SMG1: variants seen among roughly 807,000 people sequenced by gnomAD.
The protein encoded by SMG1 is SMG1 nonsense mediated mRNA decay associated PI3K related kinase, also known as serine/threonine-protein kinase SMG1.
In SMG1, 22 loss-of-function variants were observed where a neutral mutation model predicts 419.9. The observed-to-expected ratio is 0.05, with a 90% CI of 0.04 to 0.07. The LOEUF (loss-of-function observed/expected upper bound fraction) is 0.07. Among genes scored for constraint, SMG1 ranks in the 10% least tolerant of loss-of-function variants. The probability of loss-of-function intolerance (pLI) is 1.00; values close to 1 mark genes in which losing one functional copy is unlikely to be tolerated. For synonymous variants in SMG1, 1,538 were observed against 1,553.5 expected (o/e 0.99, Z 0.23); for missense variants, 3,185 against 4,342.0 (o/e 0.73, Z 7.49).
chr16:18,864,776 C>T (rs919985348), intron 23 of SMG1, among the ~76,000 whole-genome samples: 1 of 152,140 alleles, frequency 6.6e-6, no homozygotes, highest in Non-Finnish European at 1.5e-5. Flanking sequence ...CGCGCCCAGC[C>T]CCAAAGGAGT....
chr16:18,863,507 G>A (rs1304543369), intron 25 of SMG1, 143 bp downstream of exon 25: 9 of 747,406 alleles, frequency 1.2e-5, no homozygotes, highest in Non-Finnish European at 2.0e-5. Flanking sequence ...TCAGTTTCCT[G>A]TTGTCATTTT....
At chr16:18,879,956 ATCCTCTATT>A (rs2036310493) in intron 10 of SMG1, among the ~76,000 whole-genome samples, 1 of 152,226 alleles carries the variant, frequency 6.6e-6, no homozygotes, top group South Asian at 2.1e-4. Context: ...GGAATCTGCC[ATCCTCTATT>A]TCCCATATAC....
chr16:18,849,827 G>C, intron 35 of SMG1, 122 bp downstream of exon 35: 1 of 928,916 alleles, frequency 1.1e-6, no homozygotes, highest in South Asian at 1.7e-5. Flanking sequence ...GGGTGTCCTA[G>C]GAAGTTAATC....
rs762868925 is a variant in SMG1, at chr16:18,847,545, T to G, written c.5904A>C (p.Gly1968=). The change falls in exon 38 of 63, where the codon GGA becomes GGC. Residue 1968 remains glycine, a synonymous_variant. Transcript: ENST00000446231. ...CATACATGTGTTGTTGCAGCAAAAC[T>G]CCCAGCCAGAGCTCATCCCAGAGCA... ...VTVLWDELWL[G]VLLQQHMYVL... is the part of the protein sequence containing the mutation. The G allele has an allele frequency of 6.2e-7, 1 of 1,613,868 alleles. No homozygotes were observed. Among genetic ancestry groups the G allele is most frequent in the African/African-American group, 1.3e-5 (1 of 74,898 alleles).
At position 18,833,170 on chromosome 16, in the gene SMG1, T is replaced by A; in HGVS notation, c.8566-4A>T. 1 of 1,611,138 alleles carries A rather than the reference T, an allele frequency of 6.2e-7. No homozygotes were observed. Among genetic ancestry groups the A allele is most frequent in the Non-Finnish European group, 8.5e-7 (1 of 1,177,924 alleles). On this transcript the variant is annotated splice_region_variant and splice_polypyrimidine_tract_variant and intron_variant, in intron 50 of 62. Transcript: ENST00000446231. ...GCCGGAAATTCGAATTCAATTCCTATAAATATATGAGAAAAAAACTTTTAA... is the reference window on the plus strand; with the variant it reads ...GCCGGAAATTCGAATTCAATTCCTAAAAATATATGAGAAAAAAACTTTTAA...
chr16:18,815,592 C>G lies in SMG1; in HGVS notation c.10362G>C (p.Gln3454His). Residue 3454 changes from glutamine to histidine, a missense_variant, in exon 59 of 63, where the codon CAG becomes CAC. This residue lies in a region of SMG1 where 737 missense variants were observed against 846.6 expected (regional missense o/e 0.87). Transcript: ENST00000446231. ...EDVPYENSVR[Q>H]FLGEYKSWQD... Reference sequence around the variant, plus strand: ...GCCATGATTTATATTCACCCAAAAACTGCCTAACACTGTTCTCATAGGGAA... The same window carrying G: ...GCCATGATTTATATTCACCCAAAAAGTGCCTAACACTGTTCTCATAGGGAA... The G allele has an allele frequency of 6.2e-7, 1 of 1,613,980 alleles. No homozygotes were observed. The highest frequency in any genetic ancestry group is 8.5e-7 in the Non-Finnish European group (1 of 1,179,882).
In SMG1 at chr16:18,873,526, T is replaced by G. The variant is rs375422669; in HGVS notation, c.1891-902A>C. Among the ~76,000 whole-genome samples, 76 of 152,350 alleles carry G rather than the reference T, an allele frequency of 5.0e-4. No homozygotes were observed. The South Asian group carries it at 8.3e-3, about 17-fold the overall frequency. ...CCACTGCGCCCAGCCCAACGAGAAC[T>G]TTCTTTACAAAAACAGGCGCTAGTG... On this transcript the variant is annotated intron_variant, in intron 13 of 62. Transcript: ENST00000446231.
rs757287158 is a variant in SMG1 at position 18,926,090 on chromosome 16, G to A, written c.-49C>T. The A allele has an allele frequency of 4.7e-6, 7 of 1,502,188 alleles. No homozygotes were observed. The highest frequency in any genetic ancestry group is 2.5e-5 in the South Asian group (2 of 81,276). The allele number at this position is 1,502,188 out of a possible 1,614,324, so 93.1% of individuals were successfully genotyped here. A position where few individuals can be genotyped will look rare whatever the true frequency, so the allele number is the denominator to read the frequency against. Reference sequence around the variant, plus strand: ...CAAGCGCCGCCGCCCAAAGAAGCGCGAGTCGCCGCCCGAACCGGCCGCCGC... The same window carrying A: ...CAAGCGCCGCCGCCCAAAGAAGCGCAAGTCGCCGCCCGAACCGGCCGCCGC... On this transcript the variant is annotated 5_prime_UTR_variant, in exon 1 of 63. Transcript: ENST00000446231.
At chr16:18,883,796 G>A (rs1596591861) in intron 9 of SMG1, among the ~76,000 whole-genome samples, 2 of 151,856 alleles carry the variant, frequency 1.3e-5, no homozygotes, top group East Asian at 1.9e-4. Context: ...GCGGGCACCT[G>A]TAATTCCAGC....
At chr16:18,849,843 A>T in intron 35 of SMG1, 106 bp downstream of exon 35, 1 of 1,101,280 alleles carries the variant, frequency 9.1e-7, no homozygotes, top group Middle Eastern at 3.0e-4. Flanking sequence ...TAATCTGGCT[A>T]TTCTTTTTAC....
intron 28 of SMG1, 126 bp downstream of exon 28, chr16:18,858,896 A>G (rs1596535954): frequency 1.4e-6 from 1 of 704,376 alleles, no homozygotes; most frequent in Admixed American, 3.5e-5. Flanking sequence ...ACAGCATGTT[A>G]GATTTCTGGA....
chr16:18,854,795 G>A lies in SMG1; in HGVS notation c.4344C>T (p.Cys1448=), dbSNP rs764053674. The A allele has an allele frequency of 6.2e-7, 1 of 1,613,994 alleles. No individual in the cohort carries two copies. The highest frequency in any genetic ancestry group is 1.1e-5 in the South Asian group (1 of 91,084). The change falls in exon 30 of 63, where the codon TGC becomes TGT. Residue 1448 remains cysteine (C), a synonymous_variant. Transcript: ENST00000446231. ...VSLATRLLAQ[C]SEVQLGKTTT... ...TGGTCTTTCCCAGCTGAACTTCACTGCACTGTGCCAGCAGTCTTGTTGCAA... is the reference window on the plus strand; with the variant it reads ...TGGTCTTTCCCAGCTGAACTTCACTACACTGTGCCAGCAGTCTTGTTGCAA...
intron 41 of SMG1, among the ~76,000 whole-genome samples, chr16:18,840,162 T>C (rs755147414): frequency 3.5e-4 from 53 of 152,206 alleles, no homozygotes; most frequent in Non-Finnish European, 6.0e-4. Flanking sequence ...CCATTCACTT[T>C]ATTGAAAAAT....
chr16:18,846,677 C>T (rs1207762742), intron 38 of SMG1, among the ~76,000 whole-genome samples: 1 of 152,162 alleles, frequency 6.6e-6, no homozygotes, highest in Non-Finnish European at 1.5e-5. Context: ...TGAGATACCA[C>T]TTCGCATCCA....
intron 28 of SMG1, 35 bp downstream of exon 28, chr16:18,858,987 T>C (rs1228798352): frequency 1.5e-5 from 19 of 1,240,116 alleles, no homozygotes; most frequent in East Asian, 5.0e-5. Context: ...TGACCATTAA[T>C]AGTCATAAGA....
chr16:18,827,431 T>A (rs1185251658), intron 55 of SMG1, among the ~76,000 whole-genome samples: 3 of 146,956 alleles, frequency 2.0e-5, no homozygotes, highest in Admixed American at 6.9e-5. Flanking sequence ...GTCTCCAAAA[T>A]ATATATATAT....
intron 1 of SMG1, among the ~76,000 whole-genome samples, chr16:18,923,164 T>TG (rs1220898104): frequency 6.6e-6 from 1 of 152,134 alleles, no homozygotes; most frequent in Non-Finnish European, 1.5e-5. Context: ...TGCTTACTGT[T>TG]GGAGGTATGC....
chr16:18,913,083 A>G (rs2037850356), intron 1 of SMG1, among the ~76,000 whole-genome samples: 1 of 152,156 alleles, frequency 6.6e-6, no homozygotes. Context: ...TCATTATACA[A>G]AGAGGATAGT....
rs2036577113 is a variant in SMG1 at position 18,885,547 on chromosome 16, A to C, written c.942T>G (p.Asn314Lys). ...ARCYPHIFST[N>K]FRDTVDILVG... ...AGCGGAATGAGGAACTCACCCTAAAATTAGTGCTGAAAATATGAGGGTAAC... is the reference window on the plus strand; with the variant it reads ...AGCGGAATGAGGAACTCACCCTAAACTTAGTGCTGAAAATATGAGGGTAAC... Residue 314 changes from asparagine (N) to lysine (K), a missense_variant, in exon 7 of 63, where the codon AAT (asparagine) becomes AAG (lysine). By Grantham distance (94) the Asn-to-Lys change is moderately conservative (BLOSUM62 0). Coordinates refer to ENST00000446231, the MANE Select transcript of SMG1 (RefSeq NM_015092.5). 1 of 1,596,008 alleles carries C rather than the reference A, an allele frequency of 6.3e-7. No individual in the cohort carries two copies. The highest frequency in any genetic ancestry group is 8.5e-7 in the Non-Finnish European group (1 of 1,179,576).
Sources: allele counts gnomAD v4.1 joint callset (sites outside exome capture counted in the v4.1 genomes callset), GRCh38; gene constraint gnomAD v4.1.1; regional missense constraint gnomAD v4.1.1; transcripts MANE v1.5; gene names NCBI Gene and HGNC (gene_info 2026-07-23, HGNC 2026-07-21).